EML1: variants seen among roughly 807,000 people sequenced by gnomAD.
EML1 encodes the protein echinoderm microtubule-associated protein-like 1.
Under a neutral mutation model 110.4 loss-of-function variants are expected in EML1, and 27 were observed. The ratio of observed to expected loss-of-function variants is 0.24; its 90% CI spans 0.18 to 0.34. The LOEUF (loss-of-function observed/expected upper bound fraction) is 0.34. Among genes scored for constraint, EML1 ranks in the 10% least tolerant of loss-of-function variants. EML1 has a pLI of 1.00. For synonymous variants in EML1, 344 were observed against 385.8 expected, an observed-to-expected ratio of 0.89 and a Z score of 1.27; for missense variants, 741 against 1,030.9, an observed-to-expected ratio of 0.72 and a Z score of 3.85.
intron 1 of EML1, among the ~76,000 whole-genome samples, chr14:99,800,146 C>T (rs1363576617): frequency 2.6e-5 from 4 of 152,176 alleles, no homozygotes; most frequent in Admixed American, 2.6e-4. Flanking sequence ...TACCACCCGT[C>T]ACCCCCAGCT....
In EML1 at chr14:99,940,138, G is replaced by A. The variant is rs750210122; in HGVS notation, c.*26G>A. On this transcript the variant is annotated 3_prime_UTR_variant, in exon 22 of 22. Transcript: ENST00000262233. ...TACCCACCGAGAGCTGTGGGGAGCA[G>A]CATGGGCAAGGAAGACACAGACTCG... 2.0e-6 allele frequency: 3 copies of A among 1,507,184 alleles called. No individual in the cohort carries two copies. The highest frequency in any genetic ancestry group is 2.6e-5 in the South Asian group (2 of 76,376). The allele number at this position is 1,507,184 out of a possible 1,614,324, so 93.4% of individuals were successfully genotyped here.
chr14:99,880,125 C>G (rs1045120549), intron 4 of EML1, among the ~76,000 whole-genome samples: 2 of 152,162 alleles, frequency 1.3e-5, no homozygotes, highest in African/African-American at 4.8e-5. Flanking sequence ...CAAACTAATT[C>G]AGGCAACTAA....
At chr14:99,837,097 G>A (rs1005105242) in intron 1 of EML1, among the ~76,000 whole-genome samples, 17 of 151,852 alleles carry the variant, frequency 1.1e-4, no homozygotes, top group Admixed American at 7.9e-4. Context: ...GTGTGGGAGG[G>A]TAATCTTTCC....
At chr14:99,753,026 G>A (rs1482714466) in intron 1 of EML1, among the ~76,000 whole-genome samples, 1 of 152,078 alleles carries the variant, frequency 6.6e-6, no homozygotes, top group Non-Finnish European at 1.5e-5. Flanking sequence ...TGGGCAAGTG[G>A]CTGCACCTGG....
chr14:99,930,848 G>T (rs1199891397), intron 17 of EML1, among the ~76,000 whole-genome samples: 1 of 152,322 alleles, frequency 6.6e-6, no homozygotes, highest in South Asian at 2.1e-4. Flanking sequence ...TGAACCTAGG[G>T]TAAAAATCTG....
At chr14:99,789,929 A>G (rs529473304), upstream of EML1, among the ~76,000 whole-genome samples, 3 of 152,250 alleles carry the variant, frequency 2.0e-5, no homozygotes, top group Non-Finnish European at 4.4e-5. Flanking sequence ...AACATCACAC[A>G]TTATTAATTT....
intron 8 of EML1, 106 bp downstream of exon 8, chr14:99,898,408 A>T (rs1289861014): frequency 8.1e-6 from 9 of 1,116,982 alleles, no homozygotes; most frequent in Non-Finnish European, 1.1e-5. Flanking sequence ...TAATTATGGT[A>T]TCTGAAAACT....
intron 1 of EML1, among the ~76,000 whole-genome samples, chr14:99,828,743 A>T (rs1296847213): frequency 6.6e-6 from 1 of 152,226 alleles, no homozygotes; most frequent in Non-Finnish European, 1.5e-5. Context: ...TAAACAGTTG[A>T]TAAACACATA....
intron 1 of EML1, among the ~76,000 whole-genome samples, chr14:99,750,080 C>T (rs1050512905): frequency 3.3e-5 from 5 of 152,150 alleles, no homozygotes; most frequent in African/African-American, 1.2e-4. Flanking sequence ...ATGGTCAGGC[C>T]GATTGTGTGG....
rs1167192204 is a variant in EML1, at chr14:99,753,175, AC to A, written c.28+15321del. Among the ~76,000 whole-genome samples the A allele has an allele frequency of 7.4e-3, 345 of 46,338 alleles. 1 individual carries two copies. Among genetic ancestry groups the A allele is most frequent in the Non-Finnish European group, 0.012 (260 of 22,022 alleles). 30.4% of individuals were successfully genotyped at this position (46,338 alleles called of 152,430 possible). ...CCGCAGGGAAGCAGCCGCAGCCCCC[AC>A]CCCCCTACCCGCACCCCCCGCCCCC... is the stretch of plus-strand genomic sequence containing the variant. On this transcript the variant is annotated intron_variant, in intron 1 of 10. Transcript: ENST00000554479.
chr14:99,845,030 A>G (rs2058686316), intron 1 of EML1, among the ~76,000 whole-genome samples: 1 of 152,194 alleles, frequency 6.6e-6, no homozygotes, highest in Admixed American at 6.5e-5. Flanking sequence ...TCTAGAGCAA[A>G]TACTTAAGAA....
rs181194901 is a variant in EML1 at position 99,787,337 on chromosome 14, G to A, written c.-27+13324G>A. On this transcript the variant is annotated intron_variant, in intron 1 of 22. Coordinates refer to the EML1 transcript ENST00000327921. ...GTCCAGGCTGGATTGCGGTGGGCAC[G>A]ATCTTGGCTCGGCTCACTGCAACCT... is the stretch of plus-strand genomic sequence containing the variant. Among the ~76,000 whole-genome samples, 29 of 140,638 alleles carry A rather than the reference G, an allele frequency of 2.1e-4. 1 individual carries two copies. Among genetic ancestry groups the A allele is most frequent in the Admixed American group, 6.1e-4 (8 of 13,204 alleles). 92.3% of individuals were successfully genotyped at this position (140,638 alleles called of 152,430 possible).
chr14:99,912,070 A>G (rs906916229), intron 13 of EML1, among the ~76,000 whole-genome samples: 5 of 150,912 alleles, frequency 3.3e-5, no homozygotes, highest in Non-Finnish European at 5.9e-5. Context: ...TAATTTTTGT[A>G]ATTTTGTAGA....
rs536704788 is a variant in EML1 at position 99,868,092 on chromosome 14, T to A, written c.383+2446T>A. Among the ~76,000 whole-genome samples the A allele has an allele frequency of 1.1e-4, 16 of 152,332 alleles. No individual in the cohort carries two copies. In the East Asian group the frequency reaches 2.3e-3, roughly 22 times the overall value. On this transcript the variant is annotated intron_variant, in intron 3 of 21. Coordinates refer to ENST00000262233, the MANE Select transcript of EML1 (RefSeq NM_004434.3). ...TGAAATGATCATGTGGTTTTTGTCC[T>A]TTATTCTGTGAATATTGTATCACAT... is the stretch of plus-strand genomic sequence containing the variant.
intron 1 of EML1, among the ~76,000 whole-genome samples, chr14:99,745,922 C>T (rs1332567784): frequency 6.6e-6 from 1 of 152,172 alleles, no homozygotes; most frequent in Non-Finnish European, 1.5e-5. Context: ...GGGAATTCAG[C>T]CAGCCTTGGG....
chr14:99,793,103 G>C (rs563607648), upstream of EML1, among the ~76,000 whole-genome samples: 572 of 150,854 alleles, frequency 3.8e-3, 5 homozygotes, highest in South Asian at 0.023. Context: ...CCCCGTGCGC[G>C]GAGGCGGGGC....
chr14:99,917,986 G>A, intron 16 of EML1, 137 bp downstream of exon 16: 1 of 837,800 alleles, frequency 1.2e-6, no homozygotes, highest in Non-Finnish European at 1.8e-6. Flanking sequence ...CAAGAATTAA[G>A]TTAAAAGCGA....
chr14:99,861,645 C>A (rs1716591651), intron 2 of EML1, among the ~76,000 whole-genome samples: 2 of 152,084 alleles, frequency 1.3e-5, no homozygotes, highest in African/African-American at 4.8e-5. Context: ...CCACGCCTGG[C>A]TAATTTTTCT....
At chr14:99,901,229 A>T (rs1595456298) in intron 9 of EML1, among the ~76,000 whole-genome samples, 190 bp downstream of exon 9, 1 of 152,082 alleles carries the variant, frequency 6.6e-6, no homozygotes, top group Non-Finnish European at 1.5e-5. Flanking sequence ...AGGGACACAC[A>T]CTTCCTTCCA....
Sources: gnomAD v4.1 joint callset for allele counts (sites outside exome capture counted in the v4.1 genomes callset) on GRCh38, gnomAD v4.1.1 for gene constraint, MANE v1.5 for transcripts, NCBI Gene and HGNC (gene_info 2026-07-23, HGNC 2026-07-21) for gene names.